FGF14: variants seen among roughly 807,000 people sequenced by gnomAD.
The protein encoded by FGF14 is fibroblast growth factor homologous factor 4.
Under a neutral mutation model 25.5 loss-of-function variants are expected in FGF14, and 5 were observed. That is an observed-to-expected ratio of 0.20 (90% CI 0.10 to 0.41). The LOEUF (loss-of-function observed/expected upper bound fraction) is 0.41. Ranked by LOEUF, FGF14 falls within the 10% of genes least tolerant of loss-of-function variation. FGF14 has a pLI of 1.00. For synonymous variants in FGF14, 138 were observed against 118.3 expected, an observed-to-expected ratio of 1.17 and a Z score of -1.08; for missense variants, 222 against 320.1, an observed-to-expected ratio of 0.69 and a Z score of 2.34.
At chr13:102,031,400 T>G (rs2041201220) in intron 1 of FGF14, among the ~76,000 whole-genome samples, 1 of 152,136 alleles carries the variant, frequency 6.6e-6, no homozygotes, top group Non-Finnish European at 1.5e-5. Flanking sequence ...TCAAAAATGC[T>G]AAATTATTTG....
chr13:101,823,383 G>A (rs892128591), intron 3 of FGF14, among the ~76,000 whole-genome samples: 1 of 148,614 alleles, frequency 6.7e-6, no homozygotes. Context: ...ATAAATACAT[G>A]TTTTGTATAT....
Position 101,806,473 on chromosome 13 carries a change from A to T in FGF14, c.408+62252T>A, listed in dbSNP as rs1263306800. ...AATATATGTATATGTACATTGAGAAAATTTTTTTTTTTGTTTTCATTCCAA... is the reference window on the plus strand; with the variant it reads ...AATATATGTATATGTACATTGAGAATATTTTTTTTTTTGTTTTCATTCCAA... On this transcript the variant is annotated intron_variant, in intron 3 of 4. Coordinates refer to ENST00000376143, the MANE Select transcript of FGF14 (RefSeq NM_004115.4). Among the ~76,000 whole-genome samples the T allele has an allele frequency of 2.0e-5, 3 of 151,638 alleles. No individual in the cohort carries two copies. The East Asian group carries it at 5.8e-4, about 29-fold the overall frequency.
intron 1 of FGF14, among the ~76,000 whole-genome samples, chr13:101,907,519 G>C (rs1185917076): frequency 6.6e-6 from 1 of 152,094 alleles, no homozygotes; most frequent in Non-Finnish European, 1.5e-5. Flanking sequence ...ACAGAATCTT[G>C]AGTTTGATCA....
intron 1 of FGF14, among the ~76,000 whole-genome samples, chr13:102,217,320 A>C (rs568503721): frequency 3.3e-5 from 5 of 152,224 alleles, no homozygotes; most frequent in Non-Finnish European, 7.3e-5. Context: ...CTACATGCAC[A>C]CACAGTTTTA....
chr13:101,890,259 A>G (rs754531588), intron 1 of FGF14, among the ~76,000 whole-genome samples: 6 of 152,052 alleles, frequency 3.9e-5, no homozygotes, highest in Non-Finnish European at 8.8e-5. Flanking sequence ...CTTTTGTCTC[A>G]TGACTTTCTT....
chr13:102,216,185 A>C (rs1363783844), intron 1 of FGF14, among the ~76,000 whole-genome samples: 1 of 152,216 alleles, frequency 6.6e-6, no homozygotes, highest in Non-Finnish European at 1.5e-5. Flanking sequence ...CTCAATCCAG[A>C]GCCCAAATCT....
At chr13:101,829,157 A>T (rs1182109164) in intron 3 of FGF14, among the ~76,000 whole-genome samples, 1 of 152,106 alleles carries the variant, frequency 6.6e-6, no homozygotes, top group Non-Finnish European at 1.5e-5. Flanking sequence ...TTCTCATCCA[A>T]AAGTCTTTAC....
chr13:102,133,980 CAACA>C (rs2046307115), intron 1 of FGF14, among the ~76,000 whole-genome samples: 1 of 152,136 alleles, frequency 6.6e-6, no homozygotes, highest in Non-Finnish European at 1.5e-5. Flanking sequence ...CTGAACACAC[CAACA>C]AACAAAAGCA....
chr13:101,983,946 A>G (rs969961274), intron 1 of FGF14, among the ~76,000 whole-genome samples: 11 of 152,154 alleles, frequency 7.2e-5, no homozygotes, highest in African/African-American at 1.2e-4. Flanking sequence ...ATGATCTGGG[A>G]TCACTGGTCA....
intron 3 of FGF14, among the ~76,000 whole-genome samples, chr13:101,852,205 C>G (rs1317044809): frequency 6.6e-6 from 1 of 151,972 alleles, no homozygotes; most frequent in Non-Finnish European, 1.5e-5. Flanking sequence ...GAAATGCCAG[C>G]CACCGAAACA....
chr13:102,300,399 G>A (rs1392220247), intron 1 of FGF14: 1 of 151,080 alleles, frequency 6.6e-6, no homozygotes, highest in Non-Finnish European at 1.5e-5. Context: ...CTAAACAAAT[G>A]TCCATATGTA....
intron 1 of FGF14, among the ~76,000 whole-genome samples, chr13:101,902,005 G>A (rs2031624201): frequency 6.6e-6 from 1 of 152,108 alleles, no homozygotes; most frequent in Non-Finnish European, 1.5e-5. Context: ...AAGTTTTTGT[G>A]AAGTTCAATG....
intron 1 of FGF14, among the ~76,000 whole-genome samples, chr13:102,214,032 C>T (rs1566824588): frequency 6.6e-6 from 1 of 152,210 alleles, no homozygotes; most frequent in South Asian, 2.1e-4. Context: ...TGGCCCCTCT[C>T]CTGAAATGAC....
intron 1 of FGF14, among the ~76,000 whole-genome samples, chr13:102,020,125 T>C (rs568204162): frequency 5.3e-5 from 8 of 152,102 alleles, no homozygotes; most frequent in Non-Finnish European, 1.0e-4. Flanking sequence ...AGTGAATTTC[T>C]GAGAAAGGGA....
At chr13:101,878,667 A>C (rs780896459) in intron 1 of FGF14, among the ~76,000 whole-genome samples, 7 of 152,154 alleles carry the variant, frequency 4.6e-5, no homozygotes, top group Non-Finnish European at 7.4e-5. Context: ...AACAAAAACA[A>C]ATGATGATCT....
chr13:101,796,277 A>G (rs891891594), intron 3 of FGF14, among the ~76,000 whole-genome samples: 4 of 152,024 alleles, frequency 2.6e-5, no homozygotes, highest in Non-Finnish European at 5.9e-5. Context: ...ACCTGCAATA[A>G]CGCCTTCGAT....
At chr13:102,121,060 G>T (rs2045703524) in intron 1 of FGF14, among the ~76,000 whole-genome samples, 1 of 152,108 alleles carries the variant, frequency 6.6e-6, no homozygotes, top group Non-Finnish European at 1.5e-5. Flanking sequence ...ACTTTCCAAG[G>T]TACTCAGGCC....
At chr13:101,953,918 C>A (rs1275077638) in intron 1 of FGF14, among the ~76,000 whole-genome samples, 4 of 152,010 alleles carry the variant, frequency 2.6e-5, no homozygotes, top group Non-Finnish European at 5.9e-5. Flanking sequence ...CAACCTATTA[C>A]TACAAATTTT....
intron 3 of FGF14, among the ~76,000 whole-genome samples, chr13:101,821,134 G>T (rs1158779765): frequency 6.6e-6 from 1 of 151,870 alleles, no homozygotes; most frequent in Non-Finnish European, 1.5e-5. Flanking sequence ...ATTTTTAGTA[G>T]AGACAGGGTT....
Sources: gnomAD v4.1 joint callset for allele counts (sites outside exome capture counted in the v4.1 genomes callset) on GRCh38, gnomAD v4.1.1 for gene constraint, MANE v1.5 for transcripts, NCBI Gene and HGNC (gene_info 2026-07-23, HGNC 2026-07-21) for gene names.